The following ARID1B variants were observed in gnomAD, a reference collection of about 807,000 sequenced individuals.
ARID1B encodes the protein AT-rich interactive domain-containing protein 1B.
ARID1B carries 30 observed loss-of-function variants against 212.3 expected under a neutral mutation model. That is an observed-to-expected ratio of 0.14 (90% CI 0.11 to 0.19). The LOEUF (loss-of-function observed/expected upper bound fraction) is 0.19. ARID1B is among the 10% of genes least tolerant of loss of function. ARID1B has a pLI of 1.00. For missense variants in ARID1B, 2,891 were observed against 3,204.0 expected (o/e 0.90, Z 2.36); for synonymous variants, 1,402 against 1,301.7 (o/e 1.08, Z -1.66).
intron 2 of ARID1B, among the ~76,000 whole-genome samples, chr6:156,890,447 A>G (rs902960129): frequency 5.9e-5 from 9 of 152,348 alleles, no homozygotes; most frequent in East Asian, 3.9e-4. Context: ...AGGTAAATCT[A>G]TTTTATCCTA....
chr6:157,127,053 G>A (rs745716151), intron 6 of ARID1B, among the ~76,000 whole-genome samples: 3 of 152,156 alleles, frequency 2.0e-5, no homozygotes, highest in Non-Finnish European at 4.4e-5. Flanking sequence ...ATTTTAAAAT[G>A]TATTTCTTTC....
intron 2 of ARID1B, among the ~76,000 whole-genome samples, chr6:156,867,933 C>T (rs151302163): frequency 2.4e-3 from 370 of 152,350 alleles, no homozygotes; most frequent in African/African-American, 8.4e-3. Context: ...GCTGTATTCA[C>T]GTCAGTTATG....
intron 4 of ARID1B, among the ~76,000 whole-genome samples, chr6:157,066,193 T>C (rs1783667293): frequency 6.6e-6 from 1 of 152,236 alleles, no homozygotes; most frequent in South Asian, 2.1e-4. Flanking sequence ...TCTGTCAATA[T>C]CAGTTTTTAC....
At chr6:157,138,445 C>T (rs1583380739) in intron 7 of ARID1B, among the ~76,000 whole-genome samples, 1 of 152,044 alleles carries the variant, frequency 6.6e-6, no homozygotes, top group East Asian at 1.9e-4. Context: ...AGCATGTTGC[C>T]CAAGCTAGTT....
At chr6:157,070,054 GA>G (rs1783914052) in intron 4 of ARID1B, among the ~76,000 whole-genome samples, 1 of 151,988 alleles carries the variant, frequency 6.6e-6, no homozygotes, top group Non-Finnish European at 1.5e-5. Flanking sequence ...CTATACCTAA[GA>G]AAAAAGACTA....
chr6:157,133,219 G>T lies in ARID1B; in HGVS notation c.2761+12G>T. On this transcript the variant is annotated intron_variant, in intron 7 of 19. Coordinates refer to ENST00000636930, the MANE Select transcript of ARID1B (RefSeq NM_001374828.1). ...GTATGGACCACAAGGTAAAACCAAA[G>T]CTTCTCCAAAATGCATGGCAGCAAG... is the stretch of plus-strand genomic sequence containing the variant. The T allele has an allele frequency of 6.4e-7, 1 of 1,573,414 alleles. No individual in the cohort carries two copies. The highest frequency in any genetic ancestry group is 8.6e-7 in the Non-Finnish European group (1 of 1,164,130).
At chr6:156,804,595 C>T (rs1245025464) in intron 1 of ARID1B, among the ~76,000 whole-genome samples, 1 of 151,982 alleles carries the variant, frequency 6.6e-6, no homozygotes, top group Non-Finnish European at 1.5e-5. Flanking sequence ...GAGTGCCCAG[C>T]GAAGGGGGAA....
intron 1 of ARID1B, among the ~76,000 whole-genome samples, chr6:156,803,238 G>A (rs984923299): frequency 3.3e-5 from 5 of 152,102 alleles, no homozygotes; most frequent in African/African-American, 1.2e-4. Flanking sequence ...CCTTTTCAAT[G>A]AAGATTTAAG....
chr6:156,922,388 G>T (rs945968078), intron 3 of ARID1B, among the ~76,000 whole-genome samples: 2 of 152,052 alleles, frequency 1.3e-5, no homozygotes, highest in Non-Finnish European at 1.5e-5. Context: ...GAACAGGCTG[G>T]TCTCGAACTC....
chr6:156,840,808 C>T (rs1783846662), intron 2 of ARID1B, among the ~76,000 whole-genome samples: 1 of 152,112 alleles, frequency 6.6e-6, no homozygotes, highest in Non-Finnish European at 1.5e-5. Flanking sequence ...GTCTGTGTTT[C>T]TTCCTCTCTG....
chr6:157,059,646 A>G (rs1168395304), intron 4 of ARID1B, among the ~76,000 whole-genome samples: 1 of 152,194 alleles, frequency 6.6e-6, no homozygotes, highest in Admixed American at 6.5e-5. Flanking sequence ...TCTGGGGTTA[A>G]ACAATGATTA....
intron 6 of ARID1B, among the ~76,000 whole-genome samples, chr6:157,131,014 C>T (rs1424942289): frequency 6.6e-6 from 1 of 152,218 alleles, no homozygotes; most frequent in Non-Finnish European, 1.5e-5. Flanking sequence ...ACAGCTCCAT[C>T]TATGAACTCG....
At chr6:156,883,396 G>A (rs1019524042) in intron 2 of ARID1B, among the ~76,000 whole-genome samples, 1 of 152,126 alleles carries the variant, frequency 6.6e-6, no homozygotes, top group Non-Finnish European at 1.5e-5. Context: ...CTCCACTCTG[G>A]ACAAATAGAT....
At chr6:156,935,654 A>C (rs1429358473) in intron 4 of ARID1B, 78 bp downstream of exon 4, 1 of 1,262,256 alleles carries the variant, frequency 7.9e-7, no homozygotes, top group Admixed American at 2.0e-5. Context: ...TGTTTGTTCT[A>C]CTTTATATTA....
At chr6:157,084,190 C>T (rs1784820316) in intron 4 of ARID1B, among the ~76,000 whole-genome samples, 1 of 148,458 alleles carries the variant, frequency 6.7e-6, no homozygotes, top group South Asian at 2.2e-4. Flanking sequence ...AAAATTGTGA[C>T]TGCTATTACA....
intron 8 of ARID1B, among the ~76,000 whole-genome samples, chr6:157,156,238 C>G (rs1790566037): frequency 6.6e-6 from 1 of 152,154 alleles, no homozygotes; most frequent in Admixed American, 6.5e-5. Context: ...AACATAATAG[C>G]TATGATTTGA....
At chr6:157,090,943 C>G (rs1022499286) in intron 5 of ARID1B, among the ~76,000 whole-genome samples, 5 of 152,184 alleles carry the variant, frequency 3.3e-5, no homozygotes, top group African/African-American at 1.2e-4. Context: ...ACGTGTGCCT[C>G]CTGCCTGGGG....
At chr6:156,827,580 G>C (rs981753173) in intron 1 of ARID1B, among the ~76,000 whole-genome samples, 6 of 152,150 alleles carry the variant, frequency 3.9e-5, no homozygotes, top group Admixed American at 3.3e-4. Flanking sequence ...GCCTGCTTCA[G>C]CATCTTCGTA....
chr6:157,121,653 G>A (rs1278622146), intron 6 of ARID1B, among the ~76,000 whole-genome samples: 13 of 84,320 alleles, frequency 1.5e-4, no homozygotes, highest in Non-Finnish European at 2.3e-5. Flanking sequence ...TTTTTGCTGA[G>A]ACGGAGTTTC....
Sources: allele counts gnomAD v4.1 joint callset (sites outside exome capture counted in the v4.1 genomes callset), GRCh38; gene constraint gnomAD v4.1.1; transcripts MANE v1.5; gene names NCBI Gene and HGNC (gene_info 2026-07-23, HGNC 2026-07-21).